DAP3: variants seen among roughly 807,000 people sequenced by gnomAD.
The protein encoded by DAP3 is death associated protein 3, also known as small ribosomal subunit protein mS29.
A neutral mutation model predicts 51.9 loss-of-function variants in DAP3; 28 were observed. That is an observed-to-expected ratio of 0.54 (90% CI 0.40 to 0.74). The LOEUF is 0.74. DAP3 is among the 30% of genes least tolerant of loss of function. The pLI is 0.00. For missense variants in DAP3, 458 were observed against 483.5 expected (o/e 0.95, Z 0.49); for synonymous variants, 170 against 170.3 (o/e 1.00, Z 0.01).
chr1:155,712,441 C>T (rs1198330076), intron 2 of DAP3, among the ~76,000 whole-genome samples: 4 of 151,954 alleles, frequency 2.6e-5, no homozygotes, highest in Non-Finnish European at 4.4e-5. Context: ...GGAGAAACTC[C>T]GTCACTACTA....
At chr1:155,730,732 A>T (rs1214131713) in intron 9 of DAP3, among the ~76,000 whole-genome samples, 2 of 152,228 alleles carry the variant, frequency 1.3e-5, no homozygotes, top group African/African-American at 2.4e-5. Flanking sequence ...AGAGAATGAC[A>T]GCAGAAGCTA....
At chr1:155,720,324 C>CAAAAAAAAA (rs61252469) in intron 3 of DAP3, among the ~76,000 whole-genome samples, 6 of 32,806 alleles carry the variant, frequency 1.8e-4, no homozygotes, top group Admixed American at 1.4e-3. Flanking sequence ...GATCTTGTCT[C>CAAAAAAAAA]AAAAAAAAAA....
chr1:155,732,233 CT>C (rs202209826), intron 11 of DAP3, 200 bp downstream of exon 11: 10,709 of 273,914 alleles, frequency 0.039, no homozygotes, highest in South Asian at 0.069. Flanking sequence ...AGTTTCTTTT[CT>C]TTTTTTTTTT....
chr1:155,735,023 G>C (rs1451676967), intron 11 of DAP3, among the ~76,000 whole-genome samples: 2 of 151,808 alleles, frequency 1.3e-5, no homozygotes, highest in Non-Finnish European at 2.9e-5. Flanking sequence ...CCAGCACTTT[G>C]GGAGGCCGAG....
At chr1:155,717,712 A>G (rs1267330975) in intron 3 of DAP3, among the ~76,000 whole-genome samples, 6 of 152,126 alleles carry the variant, frequency 3.9e-5, no homozygotes, top group Admixed American at 6.6e-5. Flanking sequence ...TCAGAACCCA[A>G]TTTTTCTAAT....
chr1:155,688,336 GC>G (rs1398967527), upstream of DAP3: 1 of 1,550,396 alleles, frequency 6.4e-7, no homozygotes, highest in South Asian at 1.2e-5. Context: ...GGCAGCGGCG[GC>G]AGCAGAGTGG....
intron 1 of DAP3, among the ~76,000 whole-genome samples, chr1:155,702,183 A>G (rs1655382745): frequency 1.3e-5 from 2 of 151,438 alleles, no homozygotes; most frequent in South Asian, 4.1e-4. Flanking sequence ...AAATTAGAAA[A>G]CTTGGGCCAG....
At chr1:155,688,620 C>A, upstream of DAP3, 1 of 1,534,834 alleles carries the variant, frequency 6.5e-7, no homozygotes, top group Non-Finnish European at 8.7e-7. Context: ...CCCCCTCAGA[C>A]CCTGTCAAGC....
At chr1:155,689,885 C>G (rs755483636) in intron 1 of DAP3, among the ~76,000 whole-genome samples, 25 of 148,912 alleles carry the variant, frequency 1.7e-4, no homozygotes, top group South Asian at 4.3e-4. Context: ...GCACTCCAGC[C>G]TGGCGACAAA....
intron 1 of DAP3, among the ~76,000 whole-genome samples, chr1:155,690,322 A>G (rs1320464769): frequency 2.1e-5 from 3 of 140,938 alleles, no homozygotes; most frequent in Non-Finnish European, 4.4e-5. Flanking sequence ...GAGGCGGAGG[A>G]GGGCGCATTG....
intron 1 of DAP3, among the ~76,000 whole-genome samples, chr1:155,698,868 G>A (rs148528152): frequency 1.8e-3 from 272 of 152,292 alleles, no homozygotes; most frequent in African/African-American, 6.2e-3. Flanking sequence ...CTCACCTGCG[G>A]AGCTTAAAAC....
intron 4 of DAP3, among the ~76,000 whole-genome samples, chr1:155,723,545 T>G (rs1159040272): frequency 6.6e-6 from 1 of 151,520 alleles, no homozygotes; most frequent in Non-Finnish European, 1.5e-5. Flanking sequence ...GCCAGGCTGG[T>G]CTCCAACTCC....
chr1:155,736,881 A>C (rs1659860538), intron 11 of DAP3, 65 bp from the exon 12 acceptor site: 19 of 1,267,610 alleles, frequency 1.5e-5, no homozygotes, highest in African/African-American at 2.9e-5. Context: ...GTGCTTAAGT[A>C]GAGTCTGTCT....
chr1:155,730,375 A>T (rs1425736510), intron 9 of DAP3, among the ~76,000 whole-genome samples: 1 of 151,964 alleles, frequency 6.6e-6, no homozygotes, highest in Non-Finnish European at 1.5e-5. Flanking sequence ...GGAGGCCAAG[A>T]GGTGATTTGC....
rs1659282071 is a variant in DAP3, at chr1:155,731,974, C to T, written c.934C>T (p.Gln312Ter). ...AGGCGCCATTGTGTCGGCTTTGAGC[C>T]AGACTGGGTCTCTCTTTAAGCCCCG... ...HGGAIVSALSQTGSLFKPRKA... is the reference protein window; with the variant it reads ...HGGAIVSALS Residue 312 changes from glutamine (Q) to a stop codon, truncating the protein, a stop_gained, in exon 11 of 13, where the codon CAG (glutamine) becomes TAG (stop). Transcript: ENST00000368336. LOFTEE classifies it high-confidence loss of function. 3 of 1,611,986 alleles carry T rather than the reference C, an allele frequency of 1.9e-6. No individual in the cohort carries two copies. The highest frequency in any genetic ancestry group is 2.5e-6 in the Non-Finnish European group (3 of 1,179,078).
intron 1 of DAP3, among the ~76,000 whole-genome samples, chr1:155,704,360 CCTATGGAAAGAAGTGCAT>C (rs1046460311): frequency 4.6e-5 from 7 of 152,138 alleles, no homozygotes; most frequent in African/African-American, 1.7e-4. Flanking sequence ...CACAGGCACG[CCTATGGAAAGAAGTGCAT>C]CTGGACCATG....
Position 155,729,238 on chromosome 1 carries a change from G to A in DAP3, c.715G>A (p.Ala239Thr). ...GITRVRNATD[A>T]VGIVLKELKR... ...AACACGGGTGAGGAACGCCACAGAT[G>A]CAGTTGGAATTGTGCTGAAAGAGCT... Residue 239 changes from alanine to threonine, a missense_variant, in exon 9 of 13, where the codon GCA becomes ACA. By Grantham distance (58) the Ala-to-Thr change is moderately conservative. Coordinates refer to ENST00000368336, the MANE Select transcript of DAP3 (RefSeq NM_004632.4). 2.5e-6 allele frequency: 4 copies of A among 1,614,210 alleles called. No homozygotes were observed. The highest frequency in any genetic ancestry group is 3.4e-6 in the Non-Finnish European group (4 of 1,180,044).
intron 2 of DAP3, 95 bp downstream of exon 2, chr1:155,709,919 C>A: frequency 8.5e-7 from 1 of 1,179,660 alleles, no homozygotes; most frequent in Non-Finnish European, 1.2e-6. Context: ...GAGTGAAATG[C>A]TCTGGAAAAC....
intron 4 of DAP3, among the ~76,000 whole-genome samples, chr1:155,724,789 T>A (rs143573958): frequency 5.1e-4 from 77 of 152,170 alleles, no homozygotes; most frequent in African/African-American, 1.5e-3. Flanking sequence ...AAACTCCTTC[T>A]GTACTAAAAA....
Sources: allele counts gnomAD v4.1 joint callset (sites outside exome capture counted in the v4.1 genomes callset), GRCh38; gene constraint gnomAD v4.1.1; transcripts MANE v1.5; gene names NCBI Gene and HGNC (gene_info 2026-07-23, HGNC 2026-07-21).